ARL15: variants seen among roughly 807,000 people sequenced by gnomAD.
The protein encoded by ARL15 is ADP-ribosylation factor-like protein 15.
A neutral mutation model predicts 25.2 loss-of-function variants in ARL15; 19 were observed. The observed-to-expected ratio is 0.75, with a 90% CI of 0.53 to 1.10. ARL15 has a LOEUF of 1.10. ARL15 is among the 50% of genes least tolerant of loss of function. ARL15 has a pLI of 0.00. For synonymous variants in ARL15, 94 were observed against 86.8 expected (o/e 1.08, Z -0.46); for missense variants, 220 against 246.0 (o/e 0.89, Z 0.71).
chr5:53,906,430 A>G (rs1745252262), intron 4 of ARL15, among the ~76,000 whole-genome samples: 1 of 152,178 alleles, frequency 6.6e-6, no homozygotes, highest in African/African-American at 2.4e-5. Context: ...TACCTCCTAC[A>G]AAACCTGGGG....
At chr5:53,934,944 G>A (rs1397071448) in intron 4 of ARL15, among the ~76,000 whole-genome samples, 5 of 152,118 alleles carry the variant, frequency 3.3e-5, no homozygotes, top group Non-Finnish European at 2.9e-5. Context: ...TAAAAAATTA[G>A]GCTAATTATG....
chr5:54,292,213 C>T (rs1156922663), intron 1 of ARL15, among the ~76,000 whole-genome samples: 1 of 152,184 alleles, frequency 6.6e-6, no homozygotes, highest in African/African-American at 2.4e-5. Context: ...TGCCAAGTGG[C>T]AGGAGCCCTC....
intron 4 of ARL15, among the ~76,000 whole-genome samples, chr5:53,940,705 A>C (rs1746514864): frequency 1.3e-5 from 2 of 152,202 alleles, no homozygotes; most frequent in Admixed American, 6.5e-5. Flanking sequence ...TGCATACTTC[A>C]CTTATGCCCA....
chr5:54,174,032 C>T (rs1754793729), intron 1 of ARL15, among the ~76,000 whole-genome samples: 1 of 152,176 alleles, frequency 6.6e-6, no homozygotes, highest in Non-Finnish European at 1.5e-5. Flanking sequence ...CAATTCACGT[C>T]CAGCTCTACT....
intron 4 of ARL15, among the ~76,000 whole-genome samples, chr5:54,003,240 T>C (rs921640233): frequency 6.6e-6 from 1 of 152,194 alleles, no homozygotes; most frequent in African/African-American, 2.4e-5. Flanking sequence ...TGAAGACTTA[T>C]CTAACAGTGA....
At chr5:54,098,389 C>A (rs988175261) in intron 4 of ARL15, among the ~76,000 whole-genome samples, 1 of 152,144 alleles carries the variant, frequency 6.6e-6, no homozygotes, top group Non-Finnish European at 1.5e-5. Context: ...CCGCAGACAT[C>A]GCCTTTCTCC....
chr5:54,119,967 T>C (rs1287478840), intron 3 of ARL15, among the ~76,000 whole-genome samples: 4 of 152,198 alleles, frequency 2.6e-5, no homozygotes, highest in African/African-American at 4.8e-5. Context: ...GTAATCTAAA[T>C]GCATAGTTCA....
chr5:53,907,519 G>T (rs1210000224), intron 4 of ARL15, among the ~76,000 whole-genome samples: 1 of 36,232 alleles, frequency 2.8e-5, no homozygotes, highest in African/African-American at 1.5e-4. Flanking sequence ...TTTTTTTGAG[G>T]CGGACTCTTA....
intron 1 of ARL15, among the ~76,000 whole-genome samples, chr5:54,194,647 C>CA (rs558489559): frequency 6.6e-6 from 1 of 151,748 alleles, no homozygotes; most frequent in African/African-American, 2.4e-5. Flanking sequence ...TTAGACCTGG[C>CA]AAAAAAAGAA....
At chr5:53,968,885 G>A (rs1381403449) in intron 4 of ARL15, among the ~76,000 whole-genome samples, 1 of 151,722 alleles carries the variant, frequency 6.6e-6, no homozygotes, top group Non-Finnish European at 1.5e-5. Flanking sequence ...GCTGGGCACG[G>A]TGACTCACGC....
chr5:54,219,812 T>C (rs1756319399), intron 1 of ARL15, among the ~76,000 whole-genome samples: 1 of 152,228 alleles, frequency 6.6e-6, no homozygotes, highest in South Asian at 2.1e-4. Flanking sequence ...AAAAAGTTCA[T>C]TCCTGATACT....
At chr5:54,101,265 G>A (rs1752430258) in intron 4 of ARL15, among the ~76,000 whole-genome samples, 1 of 151,902 alleles carries the variant, frequency 6.6e-6, no homozygotes, top group South Asian at 2.1e-4. Context: ...TTTCAGTTCG[G>A]CTTTACCAGG....
intron 4 of ARL15, among the ~76,000 whole-genome samples, chr5:53,930,566 T>C (rs1159308948): frequency 6.6e-6 from 1 of 152,190 alleles, no homozygotes; most frequent in Non-Finnish European, 1.5e-5. Flanking sequence ...AGAGGTATTG[T>C]CTTGGGATTA....
chr5:54,154,853 TGGC>T (rs2112349867), intron 2 of ARL15, among the ~76,000 whole-genome samples: 1 of 152,318 alleles, frequency 6.6e-6, no homozygotes, highest in African/African-American at 2.4e-5. Flanking sequence ...CTGGGCACAG[TGGC>T]TCACACCTGT....
intron 4 of ARL15, among the ~76,000 whole-genome samples, chr5:54,095,661 A>G (rs1002011545): frequency 9.2e-5 from 14 of 152,180 alleles, no homozygotes; most frequent in African/African-American, 3.4e-4. Context: ...TCTCCCCCCA[A>G]GTACTAGAAT....
rs115526329 is a variant in ARL15, at chr5:53,989,663, G to A, written c.463-102950C>T. Among the ~76,000 whole-genome samples, 319 of 152,092 alleles carry A rather than the reference G, an allele frequency of 2.1e-3. 2 individuals are homozygous for A. Among genetic ancestry groups the A allele is most frequent in the African/African-American group, 7.2e-3 (298 of 41,478 alleles). ...CTAAGTGAGGTTTATAAAGTTCTGC[G>A]AGGTTTGATTCTCTGCTCTTGAGAA... On this transcript the variant is annotated intron_variant, in intron 4 of 4. Coordinates refer to ENST00000504924, the MANE Select transcript of ARL15 (RefSeq NM_019087.3).
rs781657951 is a variant in ARL15, at chr5:54,187,369, T to C, written c.49-15441A>G. On this transcript the variant is annotated intron_variant, in intron 1 of 4. Coordinates refer to ENST00000504924, the MANE Select transcript of ARL15 (RefSeq NM_019087.3). The stretch of plus-strand genomic sequence containing the variant: ...ACCCTGTCTCCAAGTTCTTGTGGGA[T>C]TTTCTCCTAAGCAGGGCAGCCAAAA... 6.3e-4 allele frequency among the ~76,000 whole-genome samples: 96 copies of C among 152,112 alleles called. 2 individuals carry two copies. The highest frequency in any genetic ancestry group is 1.9e-4 in the Non-Finnish European group (13 of 68,030).
chr5:54,140,524 A>C lies in ARL15; in HGVS notation c.253+14056T>G, dbSNP rs79863134. Among the ~76,000 whole-genome samples, 368 of 152,242 alleles carry C rather than the reference A, an allele frequency of 2.4e-3. 4 individuals carry two copies. Among genetic ancestry groups the C allele is most frequent in the African/African-American group, 8.5e-3 (352 of 41,566 alleles). Reference sequence around the variant, plus strand: ...ACATTTAAAATCTACCATTATCTTAAAGAAAAAGAACATGATAGTGGTGGC... The same window carrying C: ...ACATTTAAAATCTACCATTATCTTACAGAAAAAGAACATGATAGTGGTGGC... On this transcript the variant is annotated intron_variant, in intron 3 of 4. Transcript: ENST00000504924.
rs766667828 is a variant in ARL15 at position 54,212,797 on chromosome 5, G to C, written c.49-40869C>G. Among the ~76,000 whole-genome samples the C allele has an allele frequency of 3.5e-4, 53 of 152,190 alleles. 1 individual carries two copies. Among genetic ancestry groups the C allele is most frequent in the Admixed American group, 3.1e-3 (48 of 15,282 alleles). ...GTAGGGGTGGGGAACAAATAAGAGT[G>C]AATCTACTGTTAGCTACCTAAAAGT... is the stretch of plus-strand genomic sequence containing the variant. On this transcript the variant is annotated intron_variant, in intron 1 of 4. Transcript: ENST00000504924.
Sources: gnomAD v4.1 joint callset for allele counts (sites outside exome capture counted in the v4.1 genomes callset) on GRCh38, gnomAD v4.1.1 for gene constraint, MANE v1.5 for transcripts, NCBI Gene and HGNC (gene_info 2026-07-23, HGNC 2026-07-21) for gene names.